GFRA1: variants seen among roughly 807,000 people sequenced by gnomAD.
GFRA1 encodes GDNF family receptor alpha 1, also known as GDNF family receptor alpha-1.
Under a neutral mutation model 51.6 loss-of-function variants are expected in GFRA1, and 16 were observed. The ratio of observed to expected loss-of-function variants is 0.31; its 90% CI spans 0.21 to 0.47. GFRA1 has a LOEUF of 0.47. Among genes scored for constraint, GFRA1 ranks in the 20% least tolerant of loss-of-function variants. GFRA1 has a pLI of 1.00. For missense variants in GFRA1, 530 were observed against 594.3 expected, an observed-to-expected ratio of 0.89 and a Z score of 1.13; for synonymous variants, 270 against 241.3, an observed-to-expected ratio of 1.12 and a Z score of -1.10.
intron 5 of GFRA1, among the ~76,000 whole-genome samples, chr10:116,194,049 A>G (rs1963512336): frequency 9.9e-6 from 1 of 101,298 alleles, no homozygotes; most frequent in African/African-American, 4.0e-5. Flanking sequence ...AATAAAAAAA[A>G]ATAAATAAAT....
At chr10:116,239,461 T>C (rs1052669924) in intron 4 of GFRA1, among the ~76,000 whole-genome samples, 41 of 152,314 alleles carry the variant, frequency 2.7e-4, no homozygotes, top group African/African-American at 9.9e-4. Flanking sequence ...TTGTTATTGA[T>C]CTCACGCAGA....
intron 5 of GFRA1, among the ~76,000 whole-genome samples, chr10:116,182,429 C>T (rs900874764): frequency 2.6e-5 from 4 of 152,064 alleles, no homozygotes; most frequent in African/African-American, 9.7e-5. Flanking sequence ...TCTTCCATAC[C>T]CCCAGCCCCC....
intron 4 of GFRA1, among the ~76,000 whole-genome samples, chr10:116,267,608 G>C (rs1020286959): frequency 1.3e-5 from 2 of 152,130 alleles, no homozygotes; most frequent in African/African-American, 2.4e-5. Flanking sequence ...TCAGTACAAA[G>C]GAGGAGTCCA....
chr10:116,175,934 A>G (rs1961542900), intron 5 of GFRA1, among the ~76,000 whole-genome samples: 1 of 152,142 alleles, frequency 6.6e-6, no homozygotes, highest in African/African-American at 2.4e-5. Context: ...TGGTTACCAA[A>G]TGATCTGTCT....
intron 5 of GFRA1, among the ~76,000 whole-genome samples, chr10:116,167,375 C>T (rs1164403925): frequency 6.6e-6 from 1 of 152,084 alleles, no homozygotes; most frequent in Admixed American, 6.5e-5. Flanking sequence ...AACTCTAACA[C>T]GTGGTCTGGC....
chr10:116,080,989 G>A (rs563464122), intron 9 of GFRA1, among the ~76,000 whole-genome samples: 26 of 152,346 alleles, frequency 1.7e-4, no homozygotes, highest in African/African-American at 5.5e-4. Context: ...AGAAGGCAGA[G>A]AAGCTCTCCA....
chr10:116,117,621 A>G (rs1410047330), intron 6 of GFRA1, among the ~76,000 whole-genome samples: 1 of 151,202 alleles, frequency 6.6e-6, no homozygotes, highest in Non-Finnish European at 1.5e-5. Flanking sequence ...GGATGGATAG[A>G]TAAATGGATG....
chr10:116,186,474 C>G (rs1453381993), intron 5 of GFRA1, among the ~76,000 whole-genome samples: 1 of 150,722 alleles, frequency 6.6e-6, no homozygotes, highest in Non-Finnish European at 1.5e-5. Flanking sequence ...GGGCATGGAG[C>G]AGGCACAACT....
chr10:116,096,577 A>T (rs11818844), intron 7 of GFRA1, 78 bp downstream of exon 7: 1 of 799,708 alleles, frequency 1.3e-6, no homozygotes, highest in South Asian at 1.4e-5. Context: ...TTCTGCAGAC[A>T]TCAGCAAGGC....
intron 4 of GFRA1, among the ~76,000 whole-genome samples, chr10:116,250,327 T>C (rs1968227174): frequency 6.6e-6 from 1 of 152,186 alleles, no homozygotes; most frequent in Admixed American, 6.5e-5. Flanking sequence ...CCCAGGGCGC[T>C]AAGTCCCCAC....
At chr10:116,113,027 G>C (rs1957273121) in intron 6 of GFRA1, among the ~76,000 whole-genome samples, 1 of 152,166 alleles carries the variant, frequency 6.6e-6, no homozygotes, top group Non-Finnish European at 1.5e-5. Flanking sequence ...TAGGGATCCT[G>C]GCAGTCTCAG....
intron 5 of GFRA1, among the ~76,000 whole-genome samples, chr10:116,126,457 G>A (rs2134027994): frequency 6.6e-6 from 1 of 152,376 alleles, no homozygotes; most frequent in Non-Finnish European, 1.5e-5. Context: ...GCCTGGGCAG[G>A]CAGGCCAAGG....
At chr10:116,175,832 C>T (rs1961530109) in intron 5 of GFRA1, among the ~76,000 whole-genome samples, 1 of 152,146 alleles carries the variant, frequency 6.6e-6, no homozygotes, top group South Asian at 2.1e-4. Context: ...TGTGTATTGC[C>T]TTATTTTCCA....
At chr10:116,069,900 T>C (rs1268972398) in intron 9 of GFRA1, among the ~76,000 whole-genome samples, 1 of 152,154 alleles carries the variant, frequency 6.6e-6, no homozygotes, top group African/African-American at 2.4e-5. Flanking sequence ...GATTATGGAA[T>C]TGGAGACTTA....
At chr10:116,189,985 T>C (rs929104002) in intron 5 of GFRA1, among the ~76,000 whole-genome samples, 3 of 152,044 alleles carry the variant, frequency 2.0e-5, no homozygotes, top group East Asian at 3.9e-4. Flanking sequence ...ATTTCCGGCC[T>C]GATGAGAGCC....
chr10:116,206,546 G>A (rs1964771460), intron 5 of GFRA1, among the ~76,000 whole-genome samples: 2 of 150,016 alleles, frequency 1.3e-5, no homozygotes. Context: ...GTGGATTCCA[G>A]TATTTATCCA....
At position 116,057,815 on chromosome 10, in the gene GFRA1, C is replaced by G. The variant is rs1478067824; in HGVS notation, c.*6583G>C. Reference sequence around the variant, plus strand: ...ACATCAGAAATGCCCAATGACAGACCACAGCCAAATATGGCAGGGCAAACT... The same window carrying G: ...ACATCAGAAATGCCCAATGACAGACGACAGCCAAATATGGCAGGGCAAACT... On this transcript the variant is annotated 3_prime_UTR_variant, in exon 11 of 11. Coordinates refer to ENST00000355422, the MANE Select transcript of GFRA1 (RefSeq NM_005264.8). 1.8e-4 allele frequency: 28 copies of G among 151,560 alleles called. 1 individual carries two copies. Among genetic ancestry groups the G allele is most frequent in the Admixed American group, 1.5e-3 (23 of 15,218 alleles). The allele number at this position is 151,560 out of a possible 1,614,324, so 9.4% of individuals were successfully genotyped here.
intron 5 of GFRA1, among the ~76,000 whole-genome samples, chr10:116,172,447 C>T (rs1961123963): frequency 6.6e-6 from 1 of 152,120 alleles, no homozygotes; most frequent in Non-Finnish European, 1.5e-5. Context: ...CTAAAAATTA[C>T]TGTACAAATA....
At chr10:116,225,406 G>C (rs995241804) in intron 4 of GFRA1, among the ~76,000 whole-genome samples, 1 of 151,268 alleles carries the variant, frequency 6.6e-6, no homozygotes, top group Admixed American at 6.6e-5. Context: ...GTGGTGGCAC[G>C]CACTTATAGT....
Sources: allele counts gnomAD v4.1 joint callset (sites outside exome capture counted in the v4.1 genomes callset), GRCh38; gene constraint gnomAD v4.1.1; transcripts MANE v1.5; gene names NCBI Gene and HGNC (gene_info 2026-07-23, HGNC 2026-07-21).